DNAJC5: variants seen among roughly 807,000 people sequenced by gnomAD.
DNAJC5 encodes the protein DnaJ heat shock protein family (Hsp40) member C5, also known as dnaJ homolog subfamily C member 5.
Under a neutral mutation model 23.2 loss-of-function variants are expected in DNAJC5, and 1 was observed. That is an observed-to-expected ratio of 0.04 (90% CI 0.02 to 0.20). The LOEUF (loss-of-function observed/expected upper bound fraction) is 0.20, where lower values mean the gene tolerates loss of function less well. Ranked by LOEUF, DNAJC5 falls within the 10% of genes least tolerant of loss-of-function variation. DNAJC5 has a pLI of 1.00. For synonymous variants in DNAJC5, 136 were observed against 120.0 expected, an observed-to-expected ratio of 1.13 and a Z score of -0.87; for missense variants, 180 against 267.0, an observed-to-expected ratio of 0.67 and a Z score of 2.27.
At chr20:63,903,276 A>G (rs1234654009) in intron 1 of DNAJC5, among the ~76,000 whole-genome samples, 1 of 152,064 alleles carries the variant, frequency 6.6e-6, no homozygotes, top group Non-Finnish European at 1.5e-5. Context: ...AACCCTCAGT[A>G]ACTGAGATTG....
chr20:63,895,606 G>C lies in DNAJC5; in HGVS notation c.-12+283G>C, dbSNP rs2053369398. Reference sequence around the variant, plus strand: ...GGGGCTGGGGCGGCGCTCTCCGCGGGTCTCTTCGGGCCCGGACGCCCCCTC... The same window carrying C: ...GGGGCTGGGGCGGCGCTCTCCGCGGCTCTCTTCGGGCCCGGACGCCCCCTC... On this transcript the variant is annotated intron_variant, in intron 1 of 4. Transcript: ENST00000360864. Among the ~76,000 whole-genome samples, 4 of 151,578 alleles carry C rather than the reference G, an allele frequency of 2.6e-5. No individual in the cohort carries two copies. In the South Asian group the frequency reaches 8.3e-4, roughly 31 times the overall value.
chr20:63,900,761 AGT>A (rs758870189), intron 1 of DNAJC5, among the ~76,000 whole-genome samples: 8 of 152,132 alleles, frequency 5.3e-5, no homozygotes, highest in Non-Finnish European at 7.3e-5. Context: ...ATTAAACCTG[AGT>A]GACATTTTTA....
At chr20:63,902,113 G>A (rs1440943718) in intron 1 of DNAJC5, among the ~76,000 whole-genome samples, 1 of 151,848 alleles carries the variant, frequency 6.6e-6, no homozygotes, top group African/African-American at 2.4e-5. Flanking sequence ...GGAGTGCAGT[G>A]ACGCGATCTC....
chr20:63,926,107 C>T (rs1013731552), intron 1 of DNAJC5, among the ~76,000 whole-genome samples: 26 of 152,268 alleles, frequency 1.7e-4, no homozygotes, highest in African/African-American at 5.8e-4. Context: ...GGATTACAGG[C>T]GTGAGCCACG....
At chr20:63,903,239 A>G (rs779858509) in intron 1 of DNAJC5, among the ~76,000 whole-genome samples, 30 of 152,144 alleles carry the variant, frequency 2.0e-4, no homozygotes, top group Non-Finnish European at 3.8e-4. Context: ...GTGCATGCCT[A>G]CAGTCTCAGT....
intron 1 of DNAJC5, among the ~76,000 whole-genome samples, chr20:63,901,536 G>A (rs963581252): frequency 2.6e-5 from 4 of 152,232 alleles, no homozygotes; most frequent in South Asian, 2.1e-4. Flanking sequence ...CAGAGGCTGC[G>A]TCCGCGCGCT....
chr20:63,931,192 G>T lies in DNAJC5; in HGVS notation c.493+170G>T. 2 of 829,148 alleles carry T rather than the reference G, an allele frequency of 2.4e-6. No individual in the cohort carries two copies. The highest frequency in any genetic ancestry group is 4.4e-4 in the Middle Eastern group (2 of 4,588). The allele number at this position is 829,148 out of a possible 1,614,324, so 51.4% of individuals were successfully genotyped here. On this transcript the variant is annotated intron_variant, in intron 4 of 4. Transcript: ENST00000360864. This position sits in a 1 kb window ranked among gnomAD's most constrained non-coding sequence, Gnocchi z 9.6. Reference sequence around the variant, plus strand: ...GAACGTGGACCCTGAGGTAAAGCAGGCGCATAGAGCTGTCCCCGCCGTGAC... The same window carrying T: ...GAACGTGGACCCTGAGGTAAAGCAGTCGCATAGAGCTGTCCCCGCCGTGAC...
At chr20:63,897,158 G>A (rs2053380809) in intron 1 of DNAJC5, among the ~76,000 whole-genome samples, 1 of 152,220 alleles carries the variant, frequency 6.6e-6, no homozygotes, top group Non-Finnish European at 1.5e-5. Flanking sequence ...ACTTTAGGAG[G>A]CTGAGGCGGA....
At position 63,930,754 on chromosome 20, in the gene DNAJC5, C is replaced by T. The variant is rs977260471; in HGVS notation, c.322-97C>T. ...TGGAAGGCAGTATCCCCACCTGGAA[C>T]GCACCCCCTGCCTTCTGCTGAGGGC... On this transcript the variant is annotated intron_variant, in intron 3 of 4. Transcript: ENST00000360864. The T allele has an allele frequency of 6.9e-6, 11 of 1,583,522 alleles. No homozygotes were observed. The East Asian group carries it at 8.9e-5, about 13-fold the overall frequency.
chr20:63,914,886 G>T (rs1378928728), intron 1 of DNAJC5, among the ~76,000 whole-genome samples: 1 of 152,192 alleles, frequency 6.6e-6, no homozygotes, highest in Non-Finnish European at 1.5e-5. Context: ...AAAATGTTGG[G>T]ATTACAGGTG....
chr20:63,920,077 G>A lies in DNAJC5; in HGVS notation c.-11-8258G>A, dbSNP rs2053554823. ...GGGCCCGGGACAGCGCCACGGAAGAGGACGCACCCGGCTGTGTGGACATGT... is the reference window on the plus strand; with the variant it reads ...GGGCCCGGGACAGCGCCACGGAAGAAGACGCACCCGGCTGTGTGGACATGT... On this transcript the variant is annotated intron_variant, in intron 1 of 4. Coordinates refer to ENST00000360864, the MANE Select transcript of DNAJC5 (RefSeq NM_025219.3). This position sits in a 1 kb window ranked among gnomAD's most constrained non-coding sequence, Gnocchi z 4.6. 1 of 457,340 alleles carries A rather than the reference G, an allele frequency of 2.2e-6. No homozygotes were observed. Among genetic ancestry groups the A allele is most frequent in the Non-Finnish European group, 4.3e-6 (1 of 232,300 alleles). 28.3% of individuals were successfully genotyped at this position (457,340 alleles called of 1,614,324 possible).
At chr20:63,895,941 T>C (rs1032839635) in intron 1 of DNAJC5, among the ~76,000 whole-genome samples, 1 of 152,234 alleles carries the variant, frequency 6.6e-6, no homozygotes, top group Non-Finnish European at 1.5e-5. Flanking sequence ...CCGTTCAGGT[T>C]CTAACTTGTT....
intron 1 of DNAJC5, among the ~76,000 whole-genome samples, chr20:63,907,329 G>A (rs1385735428): frequency 1.3e-5 from 2 of 152,148 alleles, no homozygotes; most frequent in African/African-American, 4.8e-5. Flanking sequence ...ACCTTCCTGA[G>A]TCTCAGTCTT....
At chr20:63,895,507 G>GGGGCGC (rs2053368465) in intron 1 of DNAJC5, among the ~76,000 whole-genome samples, 184 bp downstream of exon 1, 1 of 148,246 alleles carries the variant, frequency 6.7e-6, no homozygotes, top group Non-Finnish European at 1.5e-5. Context: ...GGCCGGGGCG[G>GGGGCGC]GGGCGCGGGA....
rs561350766 is a variant in DNAJC5 at position 63,928,298 on chromosome 20, A to G, written c.-11-37A>G. 4.5e-6 allele frequency: 7 copies of G among 1,541,330 alleles called. No homozygotes were observed. The highest frequency in any genetic ancestry group is 2.2e-5 in the East Asian group (1 of 44,574). On this transcript the variant is annotated intron_variant, in intron 1 of 4. Coordinates refer to ENST00000360864, the MANE Select transcript of DNAJC5 (RefSeq NM_025219.3). The surrounding 1 kb of genome is among the most constrained non-coding windows in gnomAD (Gnocchi z 4.6). ...AGCTCTGCCCTTGGTACTTTCATCT[A>G]TACTTTGTGATACTTTCTTTTTATT...
chr20:63,914,165 A>G (rs939963784), intron 1 of DNAJC5, among the ~76,000 whole-genome samples: 4 of 152,216 alleles, frequency 2.6e-5, no homozygotes, highest in African/African-American at 9.6e-5. Flanking sequence ...TTCAGTCCTT[A>G]CAGCCCAGAA....
At chr20:63,919,236 G>A (rs186753419) in intron 1 of DNAJC5, among the ~76,000 whole-genome samples, 1 of 152,360 alleles carries the variant, frequency 6.6e-6, no homozygotes. Flanking sequence ...AGCTGCCGCA[G>A]GCGGAGATTT....
At chr20:63,900,576 CAAAAAA>C (rs752326573) in intron 1 of DNAJC5, among the ~76,000 whole-genome samples, 1 of 65,286 alleles carries the variant, frequency 1.5e-5, no homozygotes, top group African/African-American at 6.5e-5. Flanking sequence ...GACACTGTCT[CAAAAAA>C]AAAAAAAAAA....
intron 1 of DNAJC5, among the ~76,000 whole-genome samples, chr20:63,926,074 C>T (rs540777825): frequency 6.3e-4 from 96 of 152,200 alleles, no homozygotes; most frequent in African/African-American, 1.7e-3. Flanking sequence ...GTGATCTGCC[C>T]GCCTTGGCCT....
Sources: gnomAD v4.1 joint callset for allele counts (sites outside exome capture counted in the v4.1 genomes callset) on GRCh38, gnomAD v4.1.1 for gene constraint, Gnocchi (gnomAD v3.1) non-coding constraint, MANE v1.5 for transcripts, NCBI Gene and HGNC (gene_info 2026-07-23, HGNC 2026-07-21) for gene names.